SLC17A8: variants seen among roughly 807,000 people sequenced by gnomAD.
SLC17A8 encodes the protein vesicular glutamate transporter 3.
A neutral mutation model predicts 58.0 loss-of-function variants in SLC17A8; 31 were observed. That is an observed-to-expected ratio of 0.53 (90% CI 0.40 to 0.72). The LOEUF is 0.72. SLC17A8 is among the 30% of genes least tolerant of loss of function. SLC17A8 has a pLI of 0.00. For synonymous variants in SLC17A8, 228 were observed against 249.0 expected (o/e 0.92, Z 0.79); for missense variants, 655 against 727.8 (o/e 0.90, Z 1.15).
intron 2 of SLC17A8, among the ~76,000 whole-genome samples, chr12:100,385,830 G>A (rs569311869): frequency 2.0e-5 from 3 of 152,164 alleles, no homozygotes; most frequent in Non-Finnish European, 4.4e-5. Flanking sequence ...TTCTCTCAGA[G>A]CTGTGGAGAC....
At chr12:100,366,050 CT>C (rs67071341) in intron 1 of SLC17A8, among the ~76,000 whole-genome samples, 1,443 of 90,870 alleles carry the variant, frequency 0.016, 6 homozygotes, top group Non-Finnish European at 0.022. Flanking sequence ...GTGATCCCTT[CT>C]TTTTTTTTTT....
At chr12:100,401,383 G>A (rs1253211878) in intron 5 of SLC17A8, among the ~76,000 whole-genome samples, 5 of 151,828 alleles carry the variant, frequency 3.3e-5, no homozygotes, top group Non-Finnish European at 5.9e-5. Flanking sequence ...AGATCTGGAT[G>A]AGAATCCTCC....
At chr12:100,372,906 C>A (rs1190701211) in intron 1 of SLC17A8, among the ~76,000 whole-genome samples, 1 of 152,198 alleles carries the variant, frequency 6.6e-6, no homozygotes, top group Non-Finnish European at 1.5e-5. Flanking sequence ...TCTGCAAGTT[C>A]TCTCACTTTG....
At chr12:100,394,470 C>T (rs527786010) in intron 4 of SLC17A8, among the ~76,000 whole-genome samples, 11 of 143,544 alleles carry the variant, frequency 7.7e-5, no homozygotes, top group South Asian at 4.3e-4. Flanking sequence ...GGCATGATCT[C>T]GGCCCGTTGC....
chr12:100,408,296 C>T (rs545793500), intron 9 of SLC17A8, among the ~76,000 whole-genome samples: 5 of 152,308 alleles, frequency 3.3e-5, no homozygotes, highest in Admixed American at 2.0e-4. Flanking sequence ...TCAGGGTCTA[C>T]GTCTATGATG....
At chr12:100,376,809 C>G (rs1203961789) in intron 1 of SLC17A8, among the ~76,000 whole-genome samples, 1 of 151,952 alleles carries the variant, frequency 6.6e-6, no homozygotes, top group Non-Finnish European at 1.5e-5. Context: ...AGTTTTCTTT[C>G]TTTTCTTTTC....
chr12:100,361,423 G>T (rs980474225), intron 1 of SLC17A8, among the ~76,000 whole-genome samples: 5 of 152,164 alleles, frequency 3.3e-5, no homozygotes, highest in African/African-American at 1.2e-4. Flanking sequence ...TAGCCTGATG[G>T]CTCATTCCCT....
At chr12:100,404,308 C>A in intron 9 of SLC17A8, 138 bp downstream of exon 9, 2 of 1,109,740 alleles carry the variant, frequency 1.8e-6, no homozygotes, top group Non-Finnish European at 2.7e-6. Flanking sequence ...TCAGCAGACA[C>A]TTGAGTGTTG....
chr12:100,400,687 G>C (rs1454786479), intron 5 of SLC17A8, among the ~76,000 whole-genome samples: 1 of 152,018 alleles, frequency 6.6e-6, no homozygotes, highest in African/African-American at 2.4e-5. Flanking sequence ...TTTTTCTGAA[G>C]CAAGAGTTTT....
chr12:100,390,119 C>T (rs1485050287), intron 2 of SLC17A8, among the ~76,000 whole-genome samples: 1 of 152,006 alleles, frequency 6.6e-6, no homozygotes, highest in East Asian at 1.9e-4. Context: ...TTGCACCTGG[C>T]CTAGCTGGCT....
Position 100,402,688 on chromosome 12 carries a change from G to C in SLC17A8, c.996G>C (p.Leu332Phe). 6.2e-7 allele frequency: 1 copy of C among 1,613,980 alleles called. No individual in the cohort carries two copies. ...ANFCRSWTFY[L>F]LLISQPAYFE... ...TTTGCAGAAGCTGGACCTTTTATTT[G>C]CTCCTCATAAGTCAGCCTGCTTATT... Residue 332 changes from leucine (L) to phenylalanine (F), a missense_variant, in exon 8 of 12, where the codon TTG becomes TTC. Leu to Phe is a conservative substitution (Grantham distance 22). Transcript: ENST00000323346.
chr12:100,405,029 G>A (rs768265112), intron 9 of SLC17A8, among the ~76,000 whole-genome samples: 18 of 152,334 alleles, frequency 1.2e-4, no homozygotes, highest in South Asian at 2.1e-4. Context: ...GACGGATTGC[G>A]TATGCTCTGA....
intron 10 of SLC17A8, among the ~76,000 whole-genome samples, chr12:100,414,580 C>T (rs1330248991): frequency 6.6e-6 from 1 of 152,156 alleles, no homozygotes; most frequent in African/African-American, 2.4e-5. Flanking sequence ...TGTATTTCCC[C>T]GCACTTCTTG....
At chr12:100,375,513 G>A (rs563254811) in intron 1 of SLC17A8, among the ~76,000 whole-genome samples, 23 of 152,278 alleles carry the variant, frequency 1.5e-4, no homozygotes, top group African/African-American at 5.1e-4. Context: ...ACATCCCTGC[G>A]GTGCTCAGTT....
chr12:100,394,840 A>G (rs1257696144), intron 4 of SLC17A8, among the ~76,000 whole-genome samples: 1 of 147,726 alleles, frequency 6.8e-6, no homozygotes, highest in Non-Finnish European at 1.5e-5. Context: ...TATATATAAT[A>G]TATATAGTGT....
chr12:100,403,398 G>C (rs1204763390), intron 8 of SLC17A8, among the ~76,000 whole-genome samples: 1 of 151,948 alleles, frequency 6.6e-6, no homozygotes, highest in East Asian at 1.9e-4. Flanking sequence ...GAACCCAGGA[G>C]GCAGAGGTTG....
intron 9 of SLC17A8, among the ~76,000 whole-genome samples, chr12:100,411,341 G>A (rs1566403853): frequency 6.6e-6 from 1 of 152,116 alleles, no homozygotes; most frequent in Non-Finnish European, 1.5e-5. Context: ...TTAGCTGGGC[G>A]TGGTAGCACA....
At chr12:100,407,192 C>T (rs1213377218) in intron 9 of SLC17A8, among the ~76,000 whole-genome samples, 2 of 152,130 alleles carry the variant, frequency 1.3e-5, no homozygotes, top group Non-Finnish European at 2.9e-5. Context: ...TCAAAGAGTT[C>T]TTTAACAAAT....
At chr12:100,369,637 G>A (rs894555012) in intron 1 of SLC17A8, among the ~76,000 whole-genome samples, 1 of 152,182 alleles carries the variant, frequency 6.6e-6, no homozygotes, top group Non-Finnish European at 1.5e-5. Flanking sequence ...CATTGTAGCT[G>A]CAAGAGAGCC....
Sources: gnomAD v4.1 joint callset for allele counts (sites outside exome capture counted in the v4.1 genomes callset) on GRCh38, gnomAD v4.1.1 for gene constraint, MANE v1.5 for transcripts, NCBI Gene and HGNC (gene_info 2026-07-23, HGNC 2026-07-21) for gene names.